Variants in TRIOBP observed in about 807,000 individuals in gnomAD.
TRIOBP encodes the protein TRIO and F-actin binding protein.
Under a neutral mutation model 238.8 loss-of-function variants are expected in TRIOBP, and 169 were observed. The ratio of observed to expected loss-of-function variants is 0.71; its 90% CI spans 0.62 to 0.80. The LOEUF (loss-of-function observed/expected upper bound fraction) is 0.80. Ranked by LOEUF, TRIOBP falls within the 30% of genes least tolerant of loss-of-function variation. The pLI is 0.00. For synonymous variants in TRIOBP, 1,150 were observed against 1,274.4 expected (o/e 0.90, Z 2.08); for missense variants, 2,838 against 3,122.6 (o/e 0.91, Z 2.17).
intron 3 of TRIOBP, among the ~76,000 whole-genome samples, chr22:37,706,647 G>T (rs893159807): frequency 2.6e-5 from 4 of 152,090 alleles, no homozygotes; most frequent in Non-Finnish European, 5.9e-5. Context: ...AATGAACTGG[G>T]TGTAGTGGTG....
Position 37,723,224 on chromosome 22 carries a change from C to T in TRIOBP, c.668C>T (p.Ala223Val), listed in dbSNP as rs766934615. ...GGCCGGAGCGCAGGACAGCACTGGG[C>T]AAGGCTCCGGGGAGAAAGCGGGTTG... ...GGGRSAGQHW[A>V]RLRGESGLSL... The change falls in exon 7 of 24, where the codon GCA becomes GTA. Residue 223 changes from alanine (A) to valine (V), a missense_variant. Physicochemically the swap from Ala to Val is moderately conservative, Grantham distance 64 (BLOSUM62 0). Coordinates refer to ENST00000644935, the MANE Select transcript of TRIOBP (RefSeq NM_001039141.3). 1.2e-5 allele frequency: 19 copies of T among 1,613,856 alleles called. 3 individuals carry two copies. In the South Asian group the frequency reaches 2.1e-4, roughly 18 times the overall value.
intron 11 of TRIOBP, chr22:37,751,355 T>G: frequency 3.0e-6 from 1 of 336,520 alleles, no homozygotes; most frequent in Non-Finnish European, 5.9e-6. Context: ...GTGGGGCACT[T>G]GGTCCTCGTC....
chr22:37,710,347 G>A (rs986582883), intron 3 of TRIOBP, 80 bp from the exon 4 acceptor site: 23 of 1,593,126 alleles, frequency 1.4e-5, no homozygotes, highest in Middle Eastern at 1.9e-4. Flanking sequence ...AGACTCCCAC[G>A]CCACCGGGAG....
chr22:37,749,070 A>G (rs1320584390), intron 11 of TRIOBP, among the ~76,000 whole-genome samples: 1 of 151,496 alleles, frequency 6.6e-6, no homozygotes, highest in Non-Finnish European at 1.5e-5. Context: ...CCACCTGGAG[A>G]CCGGGTGTAG....
intron 18 of TRIOBP, among the ~76,000 whole-genome samples, chr22:37,766,647 G>A (rs1244415337): frequency 1.3e-5 from 2 of 152,236 alleles, no homozygotes; most frequent in Admixed American, 1.3e-4. Context: ...TGTCCGTTCA[G>A]GGTGGGGATT....
At chr22:37,727,068 G>GTC (rs1569043339) in intron 7 of TRIOBP, among the ~76,000 whole-genome samples, 3 of 151,562 alleles carry the variant, frequency 2.0e-5, no homozygotes, top group African/African-American at 7.3e-5. Flanking sequence ...CACCACACCC[G>GTC]GCTAATTTTT....
At position 37,715,861 on chromosome 22, in the gene TRIOBP, C is replaced by T; in HGVS notation, c.555C>T (p.Asp185=). 1 of 1,613,966 alleles carries T rather than the reference C, an allele frequency of 6.2e-7. No homozygotes were observed. Among genetic ancestry groups the T allele is most frequent in the Non-Finnish European group, 8.5e-7 (1 of 1,179,958 alleles). ...GGCCTCGGGAGGGGCCGAGAGCTGA[C>T]AGCTCCCAAAGGGCTCCGTCTCTCC... ...PRRPREGPRA[D]SSQRAPSLLT... is the part of the protein sequence containing the mutation. The change falls in exon 6 of 24, where the codon GAC becomes GAT. Residue 185 remains aspartate, a synonymous_variant. Transcript: ENST00000644935.
At chr22:37,709,612 G>C (rs1923131034) in intron 3 of TRIOBP, among the ~76,000 whole-genome samples, 1 of 152,188 alleles carries the variant, frequency 6.6e-6, no homozygotes, top group African/African-American at 2.4e-5. Context: ...GCGGGGCGCA[G>C]GGTGCCATGG....
At chr22:37,751,148 A>G (rs150020463) in intron 11 of TRIOBP, 245 of 430,432 alleles carry the variant, frequency 5.7e-4, no homozygotes, top group Non-Finnish European at 9.5e-4. Flanking sequence ...GACATGCTGC[A>G]GCTGGTAGCC....
chr22:37,757,159 C>T (rs75393219), intron 15 of TRIOBP, among the ~76,000 whole-genome samples: 3 of 152,018 alleles, frequency 2.0e-5, no homozygotes, highest in Admixed American at 6.6e-5. Flanking sequence ...CCCAGGAGTT[C>T]GAGACCAACC....
At chr22:37,714,186 C>A (rs748241122) in intron 5 of TRIOBP, among the ~76,000 whole-genome samples, 2 of 152,114 alleles carry the variant, frequency 1.3e-5, no homozygotes, top group Non-Finnish European at 2.9e-5. Flanking sequence ...GGATTTGAAC[C>A]CACTTTTCTC....
At position 37,706,492 on chromosome 22, in the gene TRIOBP, A is replaced by G. The variant is rs990427984; in HGVS notation, c.115-3935A>G. Among the ~76,000 whole-genome samples, 8 of 152,048 alleles carry G rather than the reference A, an allele frequency of 5.3e-5. No individual in the cohort carries two copies. In the East Asian group the frequency reaches 1.5e-3, roughly 29 times the overall value. On this transcript the variant is annotated intron_variant, in intron 3 of 23. Coordinates refer to ENST00000644935, the MANE Select transcript of TRIOBP (RefSeq NM_001039141.3). ...TCCTCCCCAGGAGCCAAGACCAGAG[A>G]TGGTTTCAAGAGAGGGGGCCAGGCA...
intron 11 of TRIOBP, among the ~76,000 whole-genome samples, chr22:37,743,800 AATGT>A (rs778140221): frequency 1.3e-4 from 7 of 55,332 alleles, no homozygotes; most frequent in African/African-American, 2.9e-4. Context: ...AGAGAGAGAG[AATGT>A]GTGTGTGTGT....
At chr22:37,760,557 C>T (rs375225917) in intron 17 of TRIOBP, among the ~76,000 whole-genome samples, 4 of 152,318 alleles carry the variant, frequency 2.6e-5, no homozygotes, top group Admixed American at 1.3e-4. Context: ...ATTGCCTTGT[C>T]TTTAACATAG....
intron 11 of TRIOBP, among the ~76,000 whole-genome samples, chr22:37,749,174 G>A (rs954106318): frequency 6.6e-6 from 1 of 152,104 alleles, no homozygotes; most frequent in South Asian, 2.1e-4. Context: ...GGCCAGCATG[G>A]TGAAATCCCA....
rs1334345052 is a variant in TRIOBP at position 37,757,919 on chromosome 22, A to C, written c.5994A>C (p.Pro1998=). 1 of 1,554,166 alleles carries C rather than the reference A, an allele frequency of 6.4e-7. No individual in the cohort carries two copies. Among genetic ancestry groups the C allele is most frequent in the Non-Finnish European group, 8.7e-7 (1 of 1,149,378 alleles). ...KWFEATDSRT[P]EVPAGEGPRR... is the part of the protein sequence containing the mutation. ...TTGAGGCCACAGACAGCAGGACCCC[A>C]GAGGTGCCTGCTGGTGAGGGGCCGC... Residue 1998 remains proline, a synonymous_variant, in exon 16 of 24, where the codon CCA becomes CCC. Transcript: ENST00000644935.
At position 37,752,205 on chromosome 22, in the gene TRIOBP, G is replaced by C. The variant is rs112667570; in HGVS notation, c.5379+377G>C. 4.1e-3 allele frequency among the ~76,000 whole-genome samples: 617 copies of C among 152,310 alleles called. 6 individuals carry two copies. The highest frequency in any genetic ancestry group is 0.014 in the African/African-American group (593 of 41,542). On this transcript the variant is annotated intron_variant, in intron 12 of 23. Transcript: ENST00000644935. Reference sequence around the variant, plus strand: ...TGAGGGGGGTGGGGCTCAGGGCGCAGGTGCTGGGGTTTCACCCACCTGGAT... The same window carrying C: ...TGAGGGGGGTGGGGCTCAGGGCGCACGTGCTGGGGTTTCACCCACCTGGAT...
Position 37,759,187 on chromosome 22 carries a change from C to A in TRIOBP, c.6247C>A (p.Arg2083Ser). 1 of 1,612,920 alleles carries A rather than the reference C, an allele frequency of 6.2e-7. No homozygotes were observed. The highest frequency in any genetic ancestry group is 1.3e-5 in the African/African-American group (1 of 75,020). The change falls in exon 17 of 24, where the codon CGT (arginine) becomes AGT (serine). Residue 2083 changes from arginine to serine, a missense_variant. By Grantham distance (110) the Arg-to-Ser change is moderately radical (BLOSUM62 -1). Coordinates refer to ENST00000644935, the MANE Select transcript of TRIOBP (RefSeq NM_001039141.3). ...TCTTCGGGCCCAGCTGGAGGCGTGG[C>A]GTCTCCAAGGGGAGGCTCCTCAGAG... ...QALRAQLEAW[R>S]LQGEAPQSAL...
chr22:37,706,912 G>A (rs1012912026), intron 3 of TRIOBP, among the ~76,000 whole-genome samples: 8 of 152,236 alleles, frequency 5.3e-5, no homozygotes, highest in African/African-American at 1.7e-4. Context: ...CTCCGAGCCA[G>A]GCCCTGGGAC....
Sources: gnomAD v4.1 joint callset for allele counts (sites outside exome capture counted in the v4.1 genomes callset) on GRCh38, gnomAD v4.1.1 for gene constraint, MANE v1.5 for transcripts, NCBI Gene and HGNC (gene_info 2026-07-23, HGNC 2026-07-21) for gene names.